Variants in MAP3K13 observed in about 807,000 individuals in gnomAD.
MAP3K13 encodes mitogen-activated protein kinase kinase kinase 13, also known as leucine zipper-bearing kinase.
MAP3K13 carries 52 observed loss-of-function variants against 104.0 expected under a neutral mutation model. The observed-to-expected ratio is 0.50, with a 90% CI of 0.40 to 0.63. The LOEUF (loss-of-function observed/expected upper bound fraction) is 0.63. Among genes scored for constraint, MAP3K13 ranks in the 20% least tolerant of loss-of-function variants. MAP3K13 has a pLI of 0.00. For missense variants in MAP3K13, 914 were observed against 1,218.5 expected (o/e 0.75, Z 3.72); for synonymous variants, 394 against 442.2 (o/e 0.89, Z 1.37).
At chr3:185,376,454 T>A (rs936935736) in intron 1 of MAP3K13, among the ~76,000 whole-genome samples, 1 of 152,150 alleles carries the variant, frequency 6.6e-6, no homozygotes, top group East Asian at 1.9e-4. Flanking sequence ...TCAAGTTGTT[T>A]GGACAGAAAG....
chr3:185,472,076 A>G (rs1279702555), intron 10 of MAP3K13, among the ~76,000 whole-genome samples: 2 of 151,944 alleles, frequency 1.3e-5, no homozygotes, highest in African/African-American at 4.8e-5. Context: ...TGAGTTGGCT[A>G]TTGTTTCTGC....
Position 185,310,378 on chromosome 3 carries a change from A to C in MAP3K13, c.-86+24735A>C, listed in dbSNP as rs1277383026. ...AAAATTATGAAATATATGAAAAAAA[A>C]CACAACCATTTTCAAGAGATAAAGC... is the stretch of plus-strand genomic sequence containing the variant. On this transcript the variant is annotated intron_variant, in intron 2 of 14. Transcript: ENST00000424227. 3.9e-5 allele frequency among the ~76,000 whole-genome samples: 6 copies of C among 152,364 alleles called. No homozygotes were observed. The South Asian group carries it at 1.2e-3, about 32-fold the overall frequency.
chr3:185,469,134 T>G (rs1032848453), intron 10 of MAP3K13, among the ~76,000 whole-genome samples: 4 of 152,154 alleles, frequency 2.6e-5, no homozygotes, highest in Non-Finnish European at 2.9e-5. Flanking sequence ...GATTACCTAG[T>G]GAGAAGTCTG....
chr3:185,316,081 C>T (rs904610134), intron 2 of MAP3K13, among the ~76,000 whole-genome samples: 2 of 151,924 alleles, frequency 1.3e-5, no homozygotes, highest in African/African-American at 4.8e-5. Context: ...CACATAAAAA[C>T]CTTTGCATTG....
chr3:185,336,984 GAACAACA>G (rs1375658975), intron 2 of MAP3K13, among the ~76,000 whole-genome samples: 1 of 151,940 alleles, frequency 6.6e-6, no homozygotes, highest in Non-Finnish European at 1.5e-5. Context: ...CTTCCTCACA[GAACAACA>G]AACGTGATTA....
chr3:185,447,597 C>T lies in MAP3K13; in HGVS notation c.852-192C>T, dbSNP rs532559625. 1.1e-4 allele frequency among the ~76,000 whole-genome samples: 17 copies of T among 149,826 alleles called. No individual in the cohort carries two copies. The South Asian group carries it at 2.5e-3, about 22-fold the overall frequency. ...AAGACTAGGTGTTAAAAGCCCATTACGCTAAACTGCCTCACAAGTATGAAT... is the reference window on the plus strand; with the variant it reads ...AAGACTAGGTGTTAAAAGCCCATTATGCTAAACTGCCTCACAAGTATGAAT... On this transcript the variant is annotated intron_variant, in intron 4 of 13. Coordinates refer to ENST00000265026, the MANE Select transcript of MAP3K13 (RefSeq NM_004721.5).
chr3:185,340,076 T>C (rs1489577925), intron 2 of MAP3K13, among the ~76,000 whole-genome samples: 1 of 152,144 alleles, frequency 6.6e-6, no homozygotes, highest in East Asian at 1.9e-4. Flanking sequence ...CAGGGAACTT[T>C]CTAGAGGTTA....
At chr3:185,337,214 G>A (rs1435086963) in intron 2 of MAP3K13, among the ~76,000 whole-genome samples, 2 of 151,990 alleles carry the variant, frequency 1.3e-5, no homozygotes, top group Non-Finnish European at 2.9e-5. Context: ...CTAATGACTC[G>A]GTCTTTAATG....
At chr3:185,469,081 TC>T (rs1432263950) in intron 10 of MAP3K13, among the ~76,000 whole-genome samples, 4 of 152,190 alleles carry the variant, frequency 2.6e-5, no homozygotes. Context: ...CAGCTGATTG[TC>T]CCTTGAAGGA....
chr3:185,288,612 A>T (rs1390551676), intron 2 of MAP3K13, among the ~76,000 whole-genome samples: 1 of 151,736 alleles, frequency 6.6e-6, no homozygotes, highest in Non-Finnish European at 1.5e-5. Context: ...ATAAATAAAT[A>T]AGTGCATTAA....
intron 1 of MAP3K13, among the ~76,000 whole-genome samples, chr3:185,399,429 T>C (rs1217400583): frequency 6.6e-6 from 1 of 151,238 alleles, no homozygotes; most frequent in African/African-American, 2.4e-5. Context: ...ATGGTGAAAC[T>C]CCGTCTCTAC....
Position 185,315,185 on chromosome 3 carries a change from G to A in MAP3K13, c.-86+29542G>A, listed in dbSNP as rs1443308385. 1.2e-4 allele frequency among the ~76,000 whole-genome samples: 19 copies of A among 152,230 alleles called. No individual in the cohort carries two copies. In the East Asian group the frequency reaches 2.1e-3, roughly 17 times the overall value. ...GAATTGCTTGAACCTGGGAGGCGGAGGTTGCAGTGAGCTGAGATCGCACCA... is the reference window on the plus strand; with the variant it reads ...GAATTGCTTGAACCTGGGAGGCGGAAGTTGCAGTGAGCTGAGATCGCACCA... On this transcript the variant is annotated intron_variant, in intron 2 of 14. Transcript: ENST00000424227. The surrounding 1 kb of genome is among the most constrained non-coding windows in gnomAD (Gnocchi z 4.3).
intron 7 of MAP3K13, among the ~76,000 whole-genome samples, chr3:185,454,789 GATATATATGAGAT>G (rs1716274218): frequency 1.8e-5 from 1 of 56,114 alleles, no homozygotes; most frequent in African/African-American, 7.0e-5. Flanking sequence ...ATATATACAT[GATATATATGAGAT>G]ATATACATGA....
chr3:185,361,159 TTA>T (rs1291774763), upstream of MAP3K13, among the ~76,000 whole-genome samples: 1 of 149,258 alleles, frequency 6.7e-6, no homozygotes. Flanking sequence ...TATACAGATT[TTA>T]TATGTGTGTG....
In MAP3K13 at chr3:185,453,423, C is replaced by T. The variant is rs76454848; in HGVS notation, c.1278+2028C>T. 6.2e-3 allele frequency among the ~76,000 whole-genome samples: 936 copies of T among 152,146 alleles called. 5 individuals carry two copies. Among genetic ancestry groups the T allele is most frequent in the African/African-American group, 0.019 (777 of 41,494 alleles). On this transcript the variant is annotated intron_variant, in intron 7 of 13. Coordinates refer to ENST00000265026, the MANE Select transcript of MAP3K13 (RefSeq NM_004721.5). ...CTCATAGCCCCCCATCCCTGAAGGG[C>T]GATGAGTTTACCCACCAGGAAAGTG...
intron 10 of MAP3K13, among the ~76,000 whole-genome samples, chr3:185,472,367 C>G (rs1717854982): frequency 6.6e-6 from 1 of 152,006 alleles, no homozygotes; most frequent in African/African-American, 2.4e-5. Context: ...CATGCACCAC[C>G]ACGCCTGGCT....
rs116541709 is a variant in MAP3K13, at chr3:185,396,493, G to A, written c.-85-32004G>A. 2.6e-3 allele frequency among the ~76,000 whole-genome samples: 398 copies of A among 152,238 alleles called. 4 individuals are homozygous for A. The highest frequency in any genetic ancestry group is 9.0e-3 in the African/African-American group (373 of 41,540). Reference sequence around the variant, plus strand: ...GAGCTGTTTCCCATTGTTAAGGAAAGGGTAATACACCTCAATTTTCCTCAA... The same window carrying A: ...GAGCTGTTTCCCATTGTTAAGGAAAAGGTAATACACCTCAATTTTCCTCAA... On this transcript the variant is annotated intron_variant, in intron 1 of 13. Transcript: ENST00000265026.
rs376652301 is a variant in MAP3K13, at chr3:185,321,600, A to ATGTT, written c.-86+35976_-86+35979dup. On this transcript the variant is annotated intron_variant, in intron 2 of 14. Coordinates refer to the MAP3K13 transcript ENST00000424227. Reference sequence around the variant, plus strand: ...TTATTATAAGTAACCGAGTTTTTTGATGTTTGTTTGTTTGTTTGTTTGAGA... The same window carrying ATGTT: ...TTATTATAAGTAACCGAGTTTTTTGATGTTTGTTTGTTTGTTTGTTTGTTTGAGA... Among the ~76,000 whole-genome samples the ATGTT allele has an allele frequency of 2.2e-3, 331 of 151,466 alleles. 2 individuals carry two copies. Among genetic ancestry groups the ATGTT allele is most frequent in the African/African-American group, 7.1e-3 (294 of 41,266 alleles).
At chr3:185,397,009 A>T (rs2054932258) in intron 1 of MAP3K13, among the ~76,000 whole-genome samples, 1 of 150,102 alleles carries the variant, frequency 6.7e-6, no homozygotes, top group Non-Finnish European at 1.5e-5. Context: ...ATGACATTTC[A>T]TCCCCTGCTT....
Sources: allele counts gnomAD v4.1 joint callset (sites outside exome capture counted in the v4.1 genomes callset), GRCh38; gene constraint gnomAD v4.1.1; non-coding constraint Gnocchi (gnomAD v3.1); transcripts MANE v1.5; gene names NCBI Gene and HGNC (gene_info 2026-07-23, HGNC 2026-07-21).